Variants in CHST11 observed in about 807,000 individuals in gnomAD.
CHST11 encodes carbohydrate sulfotransferase 11, also known as C4S-1.
A neutral mutation model predicts 30.4 loss-of-function variants in CHST11; 9 were observed. That is an observed-to-expected ratio of 0.30 (90% CI 0.18 to 0.52). The LOEUF (loss-of-function observed/expected upper bound fraction) is 0.52. Ranked by LOEUF, CHST11 falls within the 20% of genes least tolerant of loss-of-function variation. The pLI, the probability that CHST11 is intolerant of heterozygous loss-of-function variation, is 0.97. For missense variants in CHST11, 348 were observed against 460.6 expected (o/e 0.76, Z 2.24); for synonymous variants, 152 against 187.8 (o/e 0.81, Z 1.56).
chr12:104,567,487 G>T lies in CHST11; in HGVS notation c.119-34419G>T, dbSNP rs75742409. ...CCTGCCTCTTCCTTTATTTCCTTTT[G>T]TCCTTTAAGATCCAGCTCCCTTCTC... On this transcript the variant is annotated intron_variant, in intron 1 of 2. Transcript: ENST00000303694. Among the ~76,000 whole-genome samples the T allele has an allele frequency of 0.013, 1,955 of 152,112 alleles. 109 individuals carry two copies. The East Asian group carries it at 0.17, about 14-fold the overall frequency.
In CHST11 at chr12:104,618,219, C is replaced by CTT. The variant is rs796468874; in HGVS notation, c.204+16231_204+16232dup. Among the ~76,000 whole-genome samples the CTT allele has an allele frequency of 1.1e-4, 12 of 111,906 alleles. 1 individual carries two copies. The highest frequency in any genetic ancestry group is 3.1e-4 in the African/African-American group (9 of 29,378). The allele number at this position is 111,906 out of a possible 152,430, so 73.4% of individuals were successfully genotyped here. ...ACTGTGCCTGGCTTCTTCTTCTTTT[C>CTT]TTTTCTTTTTTTTTTTTTTTTTAAA... On this transcript the variant is annotated intron_variant, in intron 2 of 2. Coordinates refer to ENST00000303694, the MANE Select transcript of CHST11 (RefSeq NM_018413.6).
chr12:104,540,565 A>G (rs2038276683), intron 1 of CHST11, among the ~76,000 whole-genome samples: 2 of 152,212 alleles, frequency 1.3e-5, no homozygotes, highest in Admixed American at 6.5e-5. Context: ...GCACATCCCC[A>G]GTGACCTGAG....
intron 1 of CHST11, among the ~76,000 whole-genome samples, chr12:104,587,701 G>A (rs902403649): frequency 5.9e-5 from 9 of 152,060 alleles, no homozygotes; most frequent in African/African-American, 1.9e-4. Context: ...CCCGGCTCAA[G>A]TATTTACATA....
intron 2 of CHST11, among the ~76,000 whole-genome samples, chr12:104,665,081 A>T (rs11112150): frequency 0.3 from 45,620 of 151,798 alleles, 7,013 homozygotes; most frequent in South Asian, 0.37. Flanking sequence ...TCATCATCCA[A>T]CCTCTTCCCA....
chr12:104,697,328 A>G (rs1458108432), intron 2 of CHST11, among the ~76,000 whole-genome samples: 1 of 152,198 alleles, frequency 6.6e-6, no homozygotes, highest in Admixed American at 6.5e-5. Flanking sequence ...TAGTCTTTGA[A>G]TCAGTAGACT....
chr12:104,677,503 A>G (rs1477733290), intron 2 of CHST11, among the ~76,000 whole-genome samples: 1 of 152,242 alleles, frequency 6.6e-6, no homozygotes, highest in African/African-American at 2.4e-5. Flanking sequence ...AAAGAGGCCC[A>G]AGATATTTAT....
intron 1 of CHST11, among the ~76,000 whole-genome samples, chr12:104,566,931 G>C (rs1186710703): frequency 6.6e-6 from 1 of 151,924 alleles, no homozygotes; most frequent in East Asian, 1.9e-4. Context: ...AGAGACTTAA[G>C]TATCTAGTGT....
At chr12:104,581,689 G>A (rs2038745890) in intron 1 of CHST11, among the ~76,000 whole-genome samples, 1 of 152,176 alleles carries the variant, frequency 6.6e-6, no homozygotes, top group African/African-American at 2.4e-5. Context: ...GACTTCCCCA[G>A]CTGTTCATGA....
chr12:104,624,766 C>G (rs1313046989), intron 2 of CHST11, among the ~76,000 whole-genome samples: 2 of 152,170 alleles, frequency 1.3e-5, no homozygotes, highest in Admixed American at 1.3e-4. Flanking sequence ...GTGGCTTGAA[C>G]AACAGACATT....
chr12:104,613,627 C>T (rs1321077140), intron 2 of CHST11, among the ~76,000 whole-genome samples: 4 of 152,212 alleles, frequency 2.6e-5, no homozygotes, highest in African/African-American at 9.6e-5. Context: ...GCTTCCCCTT[C>T]GCCTTCTACC....
intron 1 of CHST11, among the ~76,000 whole-genome samples, chr12:104,485,385 C>T (rs2037667413): frequency 6.6e-6 from 1 of 152,204 alleles, no homozygotes; most frequent in Non-Finnish European, 1.5e-5. Context: ...TTAGAAAGTA[C>T]ACAGTGGGCA....
At chr12:104,732,799 C>T (rs1414552639) in intron 2 of CHST11, among the ~76,000 whole-genome samples, 1 of 152,264 alleles carries the variant, frequency 6.6e-6, no homozygotes, top group Non-Finnish European at 1.5e-5. Context: ...ATCCTCCTCC[C>T]CAGCTTCCTA....
At chr12:104,678,273 C>A (rs1004407750) in intron 2 of CHST11, among the ~76,000 whole-genome samples, 2 of 152,190 alleles carry the variant, frequency 1.3e-5, no homozygotes, top group Admixed American at 6.5e-5. Context: ...CCTTCCCCAA[C>A]ATTTCCATTC....
At chr12:104,722,196 T>TGTG (rs1555247521) in intron 2 of CHST11, among the ~76,000 whole-genome samples, 1 of 75,012 alleles carries the variant, frequency 1.3e-5, no homozygotes, top group Non-Finnish European at 2.6e-5. Flanking sequence ...GTGTATGAGA[T>TGTG]TTTACCATTG....
In CHST11 at chr12:104,457,426, G is replaced by T; in HGVS notation, c.15G>T (p.Leu5=). The T allele has an allele frequency of 6.2e-7, 1 of 1,613,874 alleles. No homozygotes were observed. Among genetic ancestry groups the T allele is most frequent in the Non-Finnish European group, 8.5e-7 (1 of 1,179,724 alleles). The stretch of plus-strand genomic sequence containing the variant: ...AGGACAAAGCCATGAAGCCAGCGCT[G>T]CTGGAAGTGATGAGGATGAACAGAA... MKPA[L]LEVMRMNRIC... is the part of the protein sequence containing the mutation. Residue 5 remains leucine, a synonymous_variant, in exon 1 of 3, where the codon CTG becomes CTT. Coordinates refer to ENST00000303694, the MANE Select transcript of CHST11 (RefSeq NM_018413.6).
At chr12:104,614,786 C>A (rs1219463610) in intron 2 of CHST11, among the ~76,000 whole-genome samples, 2 of 151,962 alleles carry the variant, frequency 1.3e-5, no homozygotes, top group Non-Finnish European at 2.9e-5. Context: ...TGACTCCACC[C>A]TCCCTTGCAC....
chr12:104,621,044 C>T (rs1439479000), intron 2 of CHST11, among the ~76,000 whole-genome samples: 4 of 152,178 alleles, frequency 2.6e-5, no homozygotes, highest in Non-Finnish European at 5.9e-5. Context: ...CCTCAGAAAC[C>T]CTGCTTGTCT....
At chr12:104,731,633 CAG>C (rs1187620336) in intron 2 of CHST11, among the ~76,000 whole-genome samples, 1 of 151,950 alleles carries the variant, frequency 6.6e-6, no homozygotes, top group Non-Finnish European at 1.5e-5. Flanking sequence ...ACCACGGACT[CAG>C]CCTCTGCGGG....
intron 2 of CHST11, among the ~76,000 whole-genome samples, chr12:104,698,397 A>C (rs544235382): frequency 2.6e-5 from 4 of 152,296 alleles, no homozygotes; most frequent in African/African-American, 9.6e-5. Flanking sequence ...TCACTTGGTA[A>C]GCTCAGTTCT....
Sources: allele counts gnomAD v4.1 joint callset (sites outside exome capture counted in the v4.1 genomes callset), GRCh38; gene constraint gnomAD v4.1.1; transcripts MANE v1.5; gene names NCBI Gene and HGNC (gene_info 2026-07-23, HGNC 2026-07-21).